The following KATNAL2 variants were observed in gnomAD, a reference collection of about 807,000 sequenced individuals.
KATNAL2 encodes the protein katanin catalytic subunit A1 like 2.
Under a neutral mutation model 76.3 loss-of-function variants are expected in KATNAL2, and 52 were observed. The observed-to-expected ratio is 0.68, with a 90% confidence interval of 0.55 to 0.86. The LOEUF (loss-of-function observed/expected upper bound fraction) is 0.86, where lower values mean the gene tolerates loss of function less well. Among genes scored for constraint, KATNAL2 ranks in the 40% least tolerant of loss-of-function variants. The probability of loss-of-function intolerance (pLI) is 0.00; values close to 1 mark genes in which losing one functional copy is unlikely to be tolerated. For missense variants in KATNAL2, 660 were observed against 668.9 expected, an observed-to-expected ratio of 0.99 and a Z score of 0.15; for synonymous variants, 243 against 244.2, an observed-to-expected ratio of 1.00 and a Z score of 0.05.
At chr18:47,080,970 G>T (rs2062480770) in intron 15 of KATNAL2, among the ~76,000 whole-genome samples, 1 of 151,276 alleles carries the variant, frequency 6.6e-6, no homozygotes, top group Admixed American at 6.6e-5. Flanking sequence ...CTCCCATTCT[G>T]TAGCCCTTCC....
Position 47,067,025 on chromosome 18 carries a change from T to A in KATNAL2, c.731T>A (p.Ile244Asn). The change falls in exon 11 of 18, where the codon ATT becomes AAT. Residue 244 changes from isoleucine to asparagine, a missense_variant. Transcript: ENST00000683218. Reference sequence around the variant, plus strand: ...ATGATCAAATGTGCATTGCAGGACATTTATCTCCATAATCCAAACATAAAG... The same window carrying A: ...ATGATCAAATGTGCATTGCAGGACAATTATCTCCATAATCCAAACATAAAG... ...RELAAVVSRD[I>N]YLHNPNIKWN... is the part of the protein sequence containing the mutation. The A allele has an allele frequency of 6.3e-7, 1 of 1,583,292 alleles. No individual in the cohort carries two copies. Among genetic ancestry groups the A allele is most frequent in the South Asian group, 1.1e-5 (1 of 87,240 alleles).
At chr18:47,083,304 G>A (rs2571013) in intron 15 of KATNAL2, among the ~76,000 whole-genome samples, 152,296 of 152,372 alleles carry the variant, frequency 1, 76,110 homozygotes, top group Middle Eastern at 1. Context: ...AGATGAGGGA[G>A]TAGACTTATC....
rs371742866 is a variant in KATNAL2 at position 46,937,073 on chromosome 18, A to T, written c.-509-8984A>T. Among the ~76,000 whole-genome samples, 12 of 152,290 alleles carry T rather than the reference A, an allele frequency of 7.9e-5. 1 individual carries two copies. The East Asian group carries it at 1.9e-3, about 24-fold the overall frequency. On this transcript the variant is annotated intron_variant, in intron 1 of 17. Transcript: ENST00000683218. ...TCTGTTTTTCACTCACCTCTCTATCAGGAAGGCTGTCATGAGGCAGTTTTT... is the reference window on the plus strand; with the variant it reads ...TCTGTTTTTCACTCACCTCTCTATCTGGAAGGCTGTCATGAGGCAGTTTTT...
chr18:46,923,344 G>A (rs2058632430), intron 1 of KATNAL2, among the ~76,000 whole-genome samples: 1 of 151,656 alleles, frequency 6.6e-6, no homozygotes, highest in South Asian at 2.1e-4. Flanking sequence ...CCTTGCGATA[G>A]TTTGCTGAGA....
At chr18:47,080,583 G>T (rs376409313) in intron 15 of KATNAL2, among the ~76,000 whole-genome samples, 1 of 152,102 alleles carries the variant, frequency 6.6e-6, no homozygotes, top group East Asian at 1.9e-4. Context: ...GCCACTCTAC[G>T]TTTGATTAGT....
At chr18:46,927,661 A>G (rs2146526752) in intron 1 of KATNAL2, among the ~76,000 whole-genome samples, 1 of 152,208 alleles carries the variant, frequency 6.6e-6, no homozygotes, top group South Asian at 2.1e-4. Flanking sequence ...GTTCTCCTGG[A>G]TAATATCCTG....
chr18:47,033,539 C>T (rs2060593636), intron 3 of KATNAL2: 1 of 1,614,118 alleles, frequency 6.2e-7, no homozygotes, highest in Non-Finnish European at 8.5e-7. Context: ...CTAACGAGTG[C>T]GTGATTGTCT....
intron 4 of KATNAL2, among the ~76,000 whole-genome samples, 189 bp from the exon 5 acceptor site, chr18:47,052,691 A>C (rs2147096054): frequency 6.6e-6 from 1 of 152,362 alleles, no homozygotes. Context: ...TTGAAAGATA[A>C]TAGTTAAATA....
chr18:47,061,794 T>G (rs906192679), intron 8 of KATNAL2, among the ~76,000 whole-genome samples: 1 of 152,140 alleles, frequency 6.6e-6, no homozygotes, highest in Non-Finnish European at 1.5e-5. Context: ...TTAAGTCTCA[T>G]GATGAAAGGA....
chr18:47,067,939 C>G lies in KATNAL2; in HGVS notation c.825+820C>G, dbSNP rs2061865205. On this transcript the variant is annotated intron_variant, in intron 11 of 17. Transcript: ENST00000683218. ...GAGAGACTGAAAAGGCTGGGACAAG[C>G]AGTACGGCCAAGGTGTCTCTCCATG... Among the ~76,000 whole-genome samples the G allele has an allele frequency of 3.3e-5, 5 of 152,188 alleles. No individual in the cohort carries two copies. The South Asian group carries it at 8.3e-4, about 25-fold the overall frequency.
chr18:47,089,924 T>G (rs2062927459), intron 15 of KATNAL2, among the ~76,000 whole-genome samples: 1 of 152,078 alleles, frequency 6.6e-6, no homozygotes, highest in South Asian at 2.1e-4. Flanking sequence ...AAAAAAAATC[T>G]ATTTTGAGAT....
Position 47,069,260 on chromosome 18 carries a change from G to A in KATNAL2, c.866G>A (p.Gly289Glu). The change falls in exon 12 of 18, where the codon GGA (glycine) becomes GAA (glutamate). Residue 289 changes from glycine (G) to glutamate (E), a missense_variant. Coordinates refer to ENST00000683218, the MANE Select transcript of KATNAL2 (RefSeq NM_001387690.1). ...ACAGGAATTCTTTCTCCCTGGAAAGGACTACTGCTGTACGGCCCTCCAGGT... is the reference window on the plus strand; with the variant it reads ...ACAGGAATTCTTTCTCCCTGGAAAGAACTACTGCTGTACGGCCCTCCAGGT... ...LFTGILSPWK[G>E]LLLYGPPGTG... 6.2e-7 allele frequency: 1 copy of A among 1,611,402 alleles called. No individual in the cohort carries two copies. Among genetic ancestry groups the A allele is most frequent in the Non-Finnish European group, 8.5e-7 (1 of 1,178,818 alleles).
chr18:47,077,293 CTT>C (rs1277648651), intron 14 of KATNAL2, 56 bp from the exon 15 acceptor site: 3 of 1,310,538 alleles, frequency 2.3e-6, no homozygotes, highest in African/African-American at 2.9e-5. Context: ...GAATGCTGCT[CTT>C]GTCATGAGGG....
chr18:46,946,386 T>C lies in KATNAL2; in HGVS notation c.-180T>C, dbSNP rs976593692. 6 of 1,038,526 alleles carry C rather than the reference T, an allele frequency of 5.8e-6. No homozygotes were observed. Among genetic ancestry groups the C allele is most frequent in the Non-Finnish European group, 7.0e-6 (6 of 860,604 alleles). The allele number at this position is 1,038,526 out of a possible 1,614,324, so 64.3% of individuals were successfully genotyped here. Reference sequence around the variant, plus strand: ...CCACAGCAGATTCGTCCAGTCTAGATAGACCATGCACAGAGAATTTCAAAG... The same window carrying C: ...CCACAGCAGATTCGTCCAGTCTAGACAGACCATGCACAGAGAATTTCAAAG... On this transcript the variant is annotated 5_prime_UTR_variant, in exon 2 of 18. Coordinates refer to ENST00000683218, the MANE Select transcript of KATNAL2 (RefSeq NM_001387690.1).
intron 3 of KATNAL2, among the ~76,000 whole-genome samples, chr18:47,045,094 G>C (rs1211712124): frequency 6.7e-6 from 1 of 150,026 alleles, no homozygotes; most frequent in Non-Finnish European, 1.5e-5. Context: ...GTGAGACCCT[G>C]TCTCAAAAAA....
intron 3 of KATNAL2, chr18:47,034,988 T>C (rs2146965806): frequency 6.2e-7 from 1 of 1,611,446 alleles, no homozygotes; most frequent in Admixed American, 1.7e-5. Context: ...CGGGAAGCGC[T>C]CTCCTCAGGG....
chr18:47,035,417 C>T, intron 3 of KATNAL2: 1 of 1,463,238 alleles, frequency 6.8e-7, no homozygotes, highest in Non-Finnish European at 9.1e-7. Context: ...GAGCTGGGTC[C>T]TCGGAGCAGC....
chr18:47,100,275 T>G lies in KATNAL2; in HGVS notation c.1396T>G (p.Ser466Ala). Residue 466 changes from serine to alanine, a missense_variant, in exon 17 of 18, where the codon TCA (serine) becomes GCA (alanine). Transcript: ENST00000683218. The part of the protein sequence containing the change: ...LSQETEGYSG[S>A]DIKLVCREAA... ...TCAGGAGACTGAGGGCTACTCAGGCTCAGATATTAAGCTCGTCTGCAGGGA... is the reference window on the plus strand; with the variant it reads ...TCAGGAGACTGAGGGCTACTCAGGCGCAGATATTAAGCTCGTCTGCAGGGA... The G allele has an allele frequency of 6.2e-7, 1 of 1,614,056 alleles. No individual in the cohort carries two copies. The highest frequency in any genetic ancestry group is 2.2e-5 in the East Asian group (1 of 44,880).
At position 47,052,954 on chromosome 18, in the gene KATNAL2, T is replaced by C; in HGVS notation, c.197T>C (p.Ile66Thr). The change falls in exon 5 of 18, where the codon ATT (isoleucine) becomes ACT (threonine). Residue 66 changes from isoleucine to threonine, a missense_variant. Coordinates refer to ENST00000683218, the MANE Select transcript of KATNAL2 (RefSeq NM_001387690.1). ...GLRRFEVCDN[I>T]DLETILMEYE... ...CGACGGTTTGAAGTTTGTGACAACA[T>C]TGATCTTGAAACTATTTTGATGGAA... 2 of 1,612,156 alleles carry C rather than the reference T, an allele frequency of 1.2e-6. No homozygotes were observed. Among genetic ancestry groups the C allele is most frequent in the Non-Finnish European group, 1.7e-6 (2 of 1,179,056 alleles).
Sources: gnomAD v4.1 joint callset for allele counts (sites outside exome capture counted in the v4.1 genomes callset) on GRCh38, gnomAD v4.1.1 for gene constraint, MANE v1.5 for transcripts, NCBI Gene and HGNC (gene_info 2026-07-23, HGNC 2026-07-21) for gene names.